The following SPSB1 variants were observed in gnomAD, a reference collection of about 807,000 sequenced individuals.
SPSB1 encodes splA/ryanodine receptor domain and SOCS box containing 1.
A neutral mutation model predicts 21.2 loss-of-function variants in SPSB1; 8 were observed. That is an observed-to-expected ratio of 0.38 (90% CI 0.22 to 0.68). SPSB1 has a LOEUF of 0.68. SPSB1 is among the 30% of genes least tolerant of loss of function. The pLI, the probability that SPSB1 is intolerant of heterozygous loss-of-function variation, is 0.53. For synonymous variants in SPSB1, 169 were observed against 161.7 expected, an observed-to-expected ratio of 1.05 and a Z score of -0.34; for missense variants, 242 against 377.8, an observed-to-expected ratio of 0.64 and a Z score of 2.98.
Position 9,324,975 on chromosome 1 carries a change from CG to C in SPSB1, c.-149-30765del, listed in dbSNP as rs1156840428. ...CTGGTGGATCGGAGGCGCCTGTGAG[CG>C]GGTCAGTACTGGGTAGGCAGCCCCA... is the stretch of plus-strand genomic sequence containing the variant. On this transcript the variant is annotated intron_variant, in intron 1 of 2. Coordinates refer to ENST00000328089, the MANE Select transcript of SPSB1 (RefSeq NM_025106.4). This position sits in a 1 kb window ranked among gnomAD's most constrained non-coding sequence, Gnocchi z 4.3. Among the ~76,000 whole-genome samples the C allele has an allele frequency of 6.6e-6, 1 of 152,192 alleles. No individual in the cohort carries two copies. The highest frequency in any genetic ancestry group is 1.5e-5 in the Non-Finnish European group (1 of 68,026).
intron 1 of SPSB1, among the ~76,000 whole-genome samples, chr1:9,323,323 G>C (rs1370031545): frequency 6.6e-6 from 1 of 152,244 alleles, no homozygotes; most frequent in African/African-American, 2.4e-5. Context: ...CCAGCCCCTT[G>C]GCGGGGCGCT....
In SPSB1 at chr1:9,324,772, A is replaced by G. The variant is rs1639784872; in HGVS notation, c.-149-30971A>G. 6.6e-6 allele frequency among the ~76,000 whole-genome samples: 1 copy of G among 152,166 alleles called. No individual in the cohort carries two copies. The highest frequency in any genetic ancestry group is 1.5e-5 in the Non-Finnish European group (1 of 68,028). On this transcript the variant is annotated intron_variant, in intron 1 of 2. Transcript: ENST00000328089. The surrounding 1 kb of genome is among the most constrained non-coding windows in gnomAD (Gnocchi z 4.3). ...CACCTCCGAGCCACAGCTCACTCTGACAAAAACGCTTGTGGCCCTGGACTT... is the reference window on the plus strand; with the variant it reads ...CACCTCCGAGCCACAGCTCACTCTGGCAAAAACGCTTGTGGCCCTGGACTT...
chr1:9,299,844 TC>T (rs1479030390), intron 1 of SPSB1, among the ~76,000 whole-genome samples: 1 of 151,390 alleles, frequency 6.6e-6, no homozygotes, highest in Non-Finnish European at 1.5e-5. Context: ...GTGCCTGTGG[TC>T]CCAGCTACTT....
At chr1:9,351,228 G>T (rs975312818) in intron 1 of SPSB1, among the ~76,000 whole-genome samples, 3 of 152,230 alleles carry the variant, frequency 2.0e-5, no homozygotes. Flanking sequence ...GATGGAAGAA[G>T]TTTGCTGACC....
intron 1 of SPSB1, among the ~76,000 whole-genome samples, chr1:9,302,838 G>A (rs1030352970): frequency 2.6e-5 from 4 of 152,142 alleles, no homozygotes; most frequent in Non-Finnish European, 4.4e-5. Flanking sequence ...CAGGATTCAC[G>A]GGTCCAGGAA....
chr1:9,316,843 A>G (rs1425921946), intron 1 of SPSB1, among the ~76,000 whole-genome samples: 3 of 152,160 alleles, frequency 2.0e-5, no homozygotes, highest in African/African-American at 7.2e-5. Context: ...CCCTGCTCCT[A>G]TGACCTGGCC....
chr1:9,333,845 C>G (rs2100494918), intron 1 of SPSB1, among the ~76,000 whole-genome samples: 1 of 152,306 alleles, frequency 6.6e-6, no homozygotes, highest in South Asian at 2.1e-4. Flanking sequence ...TCCAGCGCGG[C>G]TCCGGGGAAA....
At position 9,367,591 on chromosome 1, in the gene SPSB1, C is replaced by T. The variant is rs954870189; in HGVS notation, c.*16C>T. The T allele has an allele frequency of 7.6e-6, 12 of 1,587,546 alleles. No individual in the cohort carries two copies. The highest frequency in any genetic ancestry group is 1.0e-5 in the Non-Finnish European group (12 of 1,164,656). ...CTACCAGTGACGTTCGCCATCATAC[C>T]GCCAGCGCGACAGCCACCTGGTGCC... On this transcript the variant is annotated 3_prime_UTR_variant, in exon 3 of 3. Transcript: ENST00000328089. This position sits in a 1 kb window ranked among gnomAD's most constrained non-coding sequence, Gnocchi z 5.9.
intron 1 of SPSB1, among the ~76,000 whole-genome samples, chr1:9,315,668 G>A (rs12074177): frequency 3.3e-5 from 5 of 152,328 alleles, no homozygotes; most frequent in East Asian, 1.9e-4. Flanking sequence ...GCCTGGTTTC[G>A]ACCCTCTACT....
chr1:9,338,562 T>G (rs74051629), intron 1 of SPSB1, among the ~76,000 whole-genome samples: 122 of 152,380 alleles, frequency 8.0e-4, no homozygotes, highest in African/African-American at 2.7e-3. Context: ...TATACTTTCT[T>G]CTTTGCTGGT....
At position 9,346,601 on chromosome 1, in the gene SPSB1, G is replaced by T. The variant is rs1640169225; in HGVS notation, c.-149-9142G>T. On this transcript the variant is annotated intron_variant, in intron 1 of 2. Transcript: ENST00000328089. This position sits in a 1 kb window ranked among gnomAD's most constrained non-coding sequence, Gnocchi z 4.4. ...GGAAGGTGGGGTCTGCAGGGTTGTG[G>T]CTTTAATTGAAACACCATCGGGGGG... Among the ~76,000 whole-genome samples, 1 of 152,226 alleles carries T rather than the reference G, an allele frequency of 6.6e-6. No individual in the cohort carries two copies. The highest frequency in any genetic ancestry group is 2.1e-4 in the South Asian group (1 of 4,830).
intron 1 of SPSB1, among the ~76,000 whole-genome samples, chr1:9,307,084 C>T (rs748708480): frequency 2.8e-4 from 43 of 151,942 alleles, no homozygotes; most frequent in South Asian, 4.2e-4. Context: ...CGTGCCACCA[C>T]GCCTGGCTAA....
At chr1:9,333,581 T>A (rs1639957844) in intron 1 of SPSB1, among the ~76,000 whole-genome samples, 1 of 152,166 alleles carries the variant, frequency 6.6e-6, no homozygotes, top group South Asian at 2.1e-4. Context: ...TCCGCCCACC[T>A]CGGCCTCCCA....
At chr1:9,310,071 G>A (rs1639491561) in intron 1 of SPSB1, among the ~76,000 whole-genome samples, 1 of 127,748 alleles carries the variant, frequency 7.8e-6, no homozygotes, top group African/African-American at 2.7e-5. Flanking sequence ...GATGGTGAGG[G>A]GCCTGTGATG....
chr1:9,346,883 G>A lies in SPSB1; in HGVS notation c.-149-8860G>A, dbSNP rs570627303. Among the ~76,000 whole-genome samples, 1 of 152,214 alleles carries A rather than the reference G, an allele frequency of 6.6e-6. No individual in the cohort carries two copies. The highest frequency in any genetic ancestry group is 1.5e-5 in the Non-Finnish European group (1 of 68,032). On this transcript the variant is annotated intron_variant, in intron 1 of 2. Transcript: ENST00000328089. The surrounding 1 kb of genome is among the most constrained non-coding windows in gnomAD (Gnocchi z 4.4). ...TCTGGGTCAGTAGAGAGAGACAGCC[G>A]CCCCATTTTTACGGGGCTAATTAAA...
Position 9,293,092 on chromosome 1 carries a change from G to T in SPSB1, c.-150+21G>T, listed in dbSNP as rs1011394307. 2.0e-6 allele frequency: 2 copies of T among 977,836 alleles called. No individual in the cohort carries two copies. The highest frequency in any genetic ancestry group is 2.4e-6 in the Non-Finnish European group (2 of 824,660). The allele number at this position is 977,836 out of a possible 1,614,324, so 60.6% of individuals were successfully genotyped here. ...GCGCGGTAGGCGGCGCGGGGCACCTGGGACCCCGATGGGTGGGCGACCGGC... is the reference window on the plus strand; with the variant it reads ...GCGCGGTAGGCGGCGCGGGGCACCTTGGACCCCGATGGGTGGGCGACCGGC... On this transcript the variant is annotated intron_variant, in intron 1 of 2. Transcript: ENST00000328089. The surrounding 1 kb of genome is among the most constrained non-coding windows in gnomAD (Gnocchi z 5.1).
intron 1 of SPSB1, among the ~76,000 whole-genome samples, chr1:9,316,865 C>A (rs781108857): frequency 1.3e-5 from 2 of 152,184 alleles, no homozygotes; most frequent in Non-Finnish European, 2.9e-5. Flanking sequence ...GACCTTGTGA[C>A]CTCTCTGAGC....
At chr1:9,338,177 G>C (rs892777166) in intron 1 of SPSB1, among the ~76,000 whole-genome samples, 1 of 152,214 alleles carries the variant, frequency 6.6e-6, no homozygotes, top group East Asian at 1.9e-4. Context: ...GGAGGTTGGC[G>C]GTTGGGGGGT....
At chr1:9,307,133 G>A (rs1478553744) in intron 1 of SPSB1, among the ~76,000 whole-genome samples, 1 of 151,914 alleles carries the variant, frequency 6.6e-6, no homozygotes. Context: ...TCACCATGTT[G>A]GCCAGGCCGG....
Sources: gnomAD v4.1 joint callset for allele counts (sites outside exome capture counted in the v4.1 genomes callset) on GRCh38, gnomAD v4.1.1 for gene constraint, Gnocchi (gnomAD v3.1) non-coding constraint, MANE v1.5 for transcripts, NCBI Gene and HGNC (gene_info 2026-07-23, HGNC 2026-07-21) for gene names.